CSGALNACT1: variants seen among roughly 807,000 people sequenced by gnomAD.
CSGALNACT1 encodes the protein chondroitin sulfate N-acetylgalactosaminyltransferase 1, also known as beta4GalNAcT-1.
A neutral mutation model predicts 51.0 loss-of-function variants in CSGALNACT1; 52 were observed. The ratio of observed to expected loss-of-function variants is 1.02; its 90% CI spans 0.82 to 1.29. CSGALNACT1 has a LOEUF of 1.29. Ranked by LOEUF, CSGALNACT1 falls within the 50% of genes most tolerant of loss-of-function variation. The pLI, the probability that CSGALNACT1 is intolerant of heterozygous loss-of-function variation, is 0.00. For missense variants in CSGALNACT1, 935 were observed against 679.2 expected (o/e 1.38, Z -4.19); for synonymous variants, 341 against 254.4 (o/e 1.34, Z -3.24).
At chr8:19,526,454 G>A (rs970356060) in intron 3 of CSGALNACT1, among the ~76,000 whole-genome samples, 5 of 152,102 alleles carry the variant, frequency 3.3e-5, no homozygotes, top group African/African-American at 7.2e-5. Context: ...ATGGTGGTAC[G>A]CGCCTGTAGT....
chr8:19,465,082 T>G (rs1011670353), intron 4 of CSGALNACT1, among the ~76,000 whole-genome samples: 8 of 152,008 alleles, frequency 5.3e-5, no homozygotes, highest in Admixed American at 5.2e-4. Flanking sequence ...AGCCAAAAGA[T>G]AAAAACAACT....
intron 4 of CSGALNACT1, among the ~76,000 whole-genome samples, chr8:19,504,217 C>T (rs2076904750): frequency 6.6e-6 from 1 of 152,148 alleles, no homozygotes; most frequent in Admixed American, 6.5e-5. Context: ...GCTGGGTCTA[C>T]AGGCGCCCGC....
intron 6 of CSGALNACT1, among the ~76,000 whole-genome samples, chr8:19,424,041 G>C (rs1383961349): frequency 6.6e-6 from 1 of 151,848 alleles, no homozygotes; most frequent in East Asian, 1.9e-4. Flanking sequence ...AGCTTTGCCT[G>C]GGACTTTCAT....
intron 4 of CSGALNACT1, among the ~76,000 whole-genome samples, chr8:19,503,734 T>C (rs532314110): frequency 6.6e-6 from 1 of 152,280 alleles, no homozygotes; most frequent in South Asian, 2.1e-4. Flanking sequence ...CTTATACAGG[T>C]TAGCTCCTGA....
At chr8:19,691,340 T>C (rs942039214) in intron 1 of CSGALNACT1, among the ~76,000 whole-genome samples, 6 of 152,180 alleles carry the variant, frequency 3.9e-5, no homozygotes, top group Admixed American at 2.0e-4. Context: ...CTCACTGTTT[T>C]TGACAACACA....
chr8:19,669,208 T>C (rs1415895414), intron 1 of CSGALNACT1, among the ~76,000 whole-genome samples: 2 of 152,334 alleles, frequency 1.3e-5, no homozygotes, highest in Middle Eastern at 3.4e-3. Flanking sequence ...TTGAGTAGAT[T>C]TGCAAATGCA....
At chr8:19,591,025 G>T (rs923726085) in intron 3 of CSGALNACT1, 1 of 152,116 alleles carries the variant, frequency 6.6e-6, no homozygotes, top group Non-Finnish European at 1.5e-5. Flanking sequence ...AGACACTAAT[G>T]GCACCGTGAA....
chr8:19,640,923 T>C (rs929366223), intron 1 of CSGALNACT1, among the ~76,000 whole-genome samples: 1 of 151,976 alleles, frequency 6.6e-6, no homozygotes, highest in Non-Finnish European at 1.5e-5. Flanking sequence ...CTGGATTCAG[T>C]GCCTGAACAA....
At chr8:19,408,016 G>C (rs1001062340) in intron 9 of CSGALNACT1, among the ~76,000 whole-genome samples, 1 of 152,072 alleles carries the variant, frequency 6.6e-6, no homozygotes, top group Non-Finnish European at 1.5e-5. Flanking sequence ...GGTTAGCAGA[G>C]AGAAATGTGG....
At chr8:19,745,610 G>C (rs2064603817) in intron 1 of CSGALNACT1, among the ~76,000 whole-genome samples, 1 of 152,138 alleles carries the variant, frequency 6.6e-6, no homozygotes, top group South Asian at 2.1e-4. Flanking sequence ...GATTCATGAA[G>C]CTTTTTGCCA....
At chr8:19,536,390 C>A (rs959538079) in intron 3 of CSGALNACT1, among the ~76,000 whole-genome samples, 2 of 151,894 alleles carry the variant, frequency 1.3e-5, no homozygotes, top group Admixed American at 6.6e-5. Flanking sequence ...AACATATGGA[C>A]ACTGAAATTA....
chr8:19,518,501 C>A (rs1023549152), intron 3 of CSGALNACT1, among the ~76,000 whole-genome samples: 2 of 152,168 alleles, frequency 1.3e-5, no homozygotes, highest in Admixed American at 1.3e-4. Flanking sequence ...CCTGATCAAA[C>A]CAATCTGTGA....
At chr8:19,469,714 C>T (rs904855940) in intron 4 of CSGALNACT1, among the ~76,000 whole-genome samples, 3 of 152,182 alleles carry the variant, frequency 2.0e-5, no homozygotes, top group Non-Finnish European at 4.4e-5. Context: ...GAGGCTTTAC[C>T]TACTCTCAGT....
At chr8:19,716,323 C>T (rs2062805551) in intron 1 of CSGALNACT1, among the ~76,000 whole-genome samples, 1 of 152,080 alleles carries the variant, frequency 6.6e-6, no homozygotes, top group Admixed American at 6.6e-5. Context: ...GAGTATACTT[C>T]TAAATATACT....
upstream of CSGALNACT1, among the ~76,000 whole-genome samples, chr8:19,605,242 C>T (rs1179839887): frequency 2.0e-5 from 3 of 152,132 alleles, no homozygotes; most frequent in South Asian, 4.1e-4. Flanking sequence ...CTTATGTCAG[C>T]CTGGCCAACA....
At chr8:19,595,552 T>G (rs2048703577) in intron 2 of CSGALNACT1, among the ~76,000 whole-genome samples, 2 of 152,122 alleles carry the variant, frequency 1.3e-5, no homozygotes, top group Admixed American at 6.5e-5. Flanking sequence ...ATTAGATATG[T>G]GCCCAGTGGA....
chr8:19,603,566 GTTGTTTTCTGTCCC>G, upstream of CSGALNACT1, among the ~76,000 whole-genome samples: 1 of 152,232 alleles, frequency 6.6e-6, no homozygotes, highest in Middle Eastern at 3.2e-3. Context: ...CCGAATCTGA[GTTGTTTTCTGTCCC>G]CGACAACAAA....
chr8:19,696,040 C>A (rs1204436096), intron 1 of CSGALNACT1, among the ~76,000 whole-genome samples: 1 of 152,238 alleles, frequency 6.6e-6, no homozygotes, highest in East Asian at 1.9e-4. Context: ...GACCCAAGAC[C>A]AGTAGCAAAA....
chr8:19,640,771 T>A (rs1006014517), intron 1 of CSGALNACT1, among the ~76,000 whole-genome samples: 8 of 152,180 alleles, frequency 5.3e-5, no homozygotes, highest in Non-Finnish European at 1.5e-5. Context: ...TGCAGGCCCT[T>A]ACACTATTCT....
Sources: gnomAD v4.1 joint callset for allele counts (sites outside exome capture counted in the v4.1 genomes callset) on GRCh38, gnomAD v4.1.1 for gene constraint, MANE v1.5 for transcripts, NCBI Gene and HGNC (gene_info 2026-07-23, HGNC 2026-07-21) for gene names.